Variants in C8B observed in about 807,000 individuals in gnomAD.
The protein encoded by C8B is complement component C8 beta chain.
Under a neutral mutation model 64.6 loss-of-function variants are expected in C8B, and 67 were observed. The ratio of observed to expected loss-of-function variants is 1.04; its 90% CI spans 0.85 to 1.27. C8B has a LOEUF of 1.27. Among genes scored for constraint, C8B ranks in the 50% most tolerant of loss-of-function variants. The probability of loss-of-function intolerance (pLI) is 0.00; values close to 1 mark genes in which losing one functional copy is unlikely to be tolerated. For missense variants in C8B, 790 were observed against 725.2 expected (o/e 1.09, Z -1.03); for synonymous variants, 284 against 257.7 (o/e 1.10, Z -0.98).
rs536391485 is a variant in C8B at position 56,930,856 on chromosome 1, G to A, written c.1621+954C>T. On this transcript the variant is annotated intron_variant, in intron 11 of 11. Transcript: ENST00000371237. The stretch of plus-strand genomic sequence containing the variant: ...TTATCTTGCTTTTACAATGTGTAAG[G>A]TATCATTCCAAACGCTTTATATGCC... Among the ~76,000 whole-genome samples the A allele has an allele frequency of 2.6e-5, 4 of 152,242 alleles. No homozygotes were observed. In the East Asian group the frequency reaches 5.8e-4, roughly 22 times the overall value.
At chr1:56,959,929 T>C in intron 2 of C8B, 91 bp downstream of exon 2, 2 of 1,398,728 alleles carry the variant, frequency 1.4e-6, no homozygotes, top group South Asian at 2.4e-5. Context: ...GGGCCAACTA[T>C]GTGCCAGGCA....
chr1:56,957,625 T>C (rs1188010841), intron 2 of C8B, among the ~76,000 whole-genome samples: 1 of 152,210 alleles, frequency 6.6e-6, no homozygotes, highest in Admixed American at 6.5e-5. Flanking sequence ...GCTATATCTC[T>C]ACCATCTTAT....
At chr1:56,943,567 A>G in intron 8 of C8B, 129 bp downstream of exon 8, 1 of 1,076,826 alleles carries the variant, frequency 9.3e-7, no homozygotes, top group Admixed American at 1.7e-5. Flanking sequence ...TATAAAAAAC[A>G]GAAGGACATA....
intron 8 of C8B, among the ~76,000 whole-genome samples, chr1:56,943,021 C>T (rs964656002): frequency 2.0e-5 from 3 of 151,296 alleles, no homozygotes; most frequent in African/African-American, 2.4e-5. Context: ...GCCTGAGCCC[C>T]GAAGGTGGAG....
chr1:56,935,200 A>G (rs1488411660), intron 9 of C8B, among the ~76,000 whole-genome samples: 2 of 152,204 alleles, frequency 1.3e-5, no homozygotes, highest in African/African-American at 2.4e-5. Context: ...ATTCCCATTT[A>G]CAGTCTCCCT....
At chr1:56,943,045 G>A (rs551944598) in intron 8 of C8B, among the ~76,000 whole-genome samples, 8 of 151,852 alleles carry the variant, frequency 5.3e-5, no homozygotes, top group African/African-American at 1.4e-4. Context: ...GCAGTGAGCC[G>A]AGATCACGCC....
intron 1 of C8B, 86 bp downstream of exon 1, chr1:56,965,771 A>G: frequency 6.9e-7 from 1 of 1,441,346 alleles, no homozygotes; most frequent in Non-Finnish European, 9.8e-7. Flanking sequence ...TTCAATAGGC[A>G]TGCAACAAAG....
Position 56,960,344 on chromosome 1 carries a change from T to TA in C8B, c.93-169dup, listed in dbSNP as rs371672565. Among the ~76,000 whole-genome samples the TA allele has an allele frequency of 2.3e-3, 350 of 152,328 alleles. 1 individual carries two copies. Among genetic ancestry groups the TA allele is most frequent in the Middle Eastern group, 0.01 (3 of 294 alleles). On this transcript the variant is annotated intron_variant, in intron 1 of 11. Transcript: ENST00000371237. ...GGAATTAATTAATTAATCCAACAAATATTTAATCCAACAATGAAATATTAA... is the reference window on the plus strand; with the variant it reads ...GGAATTAATTAATTAATCCAACAAATAATTTAATCCAACAATGAAATATTAA...
chr1:56,948,750 C>A (rs1486242776), intron 6 of C8B, among the ~76,000 whole-genome samples: 1 of 152,104 alleles, frequency 6.6e-6, no homozygotes, highest in Non-Finnish European at 1.5e-5. Flanking sequence ...AACAGGAGAG[C>A]AATGGTTTGG....
At chr1:56,930,940 G>C (rs886444956) in intron 11 of C8B, among the ~76,000 whole-genome samples, 9 of 152,056 alleles carry the variant, frequency 5.9e-5, no homozygotes, top group Non-Finnish European at 1.0e-4. Flanking sequence ...TCATCTTACA[G>C]GCACAGAAAC....
In C8B at chr1:56,943,797, C is replaced by G. The variant is rs1644901125; in HGVS notation, c.1133G>C (p.Cys378Ser). 6.2e-7 allele frequency: 1 copy of G among 1,614,072 alleles called. No homozygotes were observed. Among genetic ancestry groups the G allele is most frequent in the Non-Finnish European group, 8.5e-7 (1 of 1,179,972 alleles). ...ACCAATTTTAAAATCATTTTTGGCA[C>G]AGGCATGGACGTTGTTAAGAGTATA... The part of the protein sequence containing the change: ...GDYTLNNVHA[C>S]AKNDFKIGGA... The change falls in exon 8 of 12, where the codon TGT becomes TCT. Residue 378 changes from cysteine (C) to serine (S), a missense_variant. Transcript: ENST00000371237.
intron 9 of C8B, among the ~76,000 whole-genome samples, chr1:56,939,568 G>T (rs1422590974): frequency 6.6e-6 from 1 of 152,284 alleles, no homozygotes; most frequent in African/African-American, 2.4e-5. Context: ...GAAGAGCATG[G>T]TGTTAAGACG....
intron 7 of C8B, among the ~76,000 whole-genome samples, chr1:56,945,275 G>A (rs991617719): frequency 1.2e-4 from 18 of 152,164 alleles, no homozygotes; most frequent in African/African-American, 3.9e-4. Flanking sequence ...TGGAGGTAGA[G>A]CTGATGGATT....
chr1:56,943,086 AT>A lies in C8B; in HGVS notation c.1234+609del, dbSNP rs1301291997. Among the ~76,000 whole-genome samples, 35 of 151,790 alleles carry A rather than the reference AT, an allele frequency of 2.3e-4. No homozygotes were observed. In the Middle Eastern group the frequency reaches 0.01, roughly 45 times the overall value. The stretch of plus-strand genomic sequence containing the variant: ...AAGACTCTGTCTCAAAAAAATAAAA[AT>A]AAAAAATAAAAAATAAATAAAAAAA... On this transcript the variant is annotated intron_variant, in intron 8 of 11. Transcript: ENST00000371237.
At chr1:56,945,734 G>C in intron 7 of C8B, 87 bp downstream of exon 7, 1 of 1,531,064 alleles carries the variant, frequency 6.5e-7, no homozygotes, top group African/African-American at 1.4e-5. Context: ...TGAAGGTGTA[G>C]CCAGGAAGGT....
At chr1:56,956,293 C>A (rs1327859423) in intron 3 of C8B, among the ~76,000 whole-genome samples, 2 of 152,182 alleles carry the variant, frequency 1.3e-5, no homozygotes, top group Non-Finnish European at 2.9e-5. Flanking sequence ...GCTATGATGT[C>A]ACTTGATGCT....
intron 4 of C8B, 125 bp from the exon 5 acceptor site, chr1:56,952,305 T>C: frequency 7.6e-7 from 1 of 1,308,996 alleles, no homozygotes. Context: ...TGATACCTGG[T>C]CCAAGCCAGC....
chr1:56,941,238 A>G (rs1044199523), intron 8 of C8B, among the ~76,000 whole-genome samples: 1 of 152,172 alleles, frequency 6.6e-6, no homozygotes, highest in Non-Finnish European at 1.5e-5. Flanking sequence ...AGAAAAAGAC[A>G]TTTATCTTGA....
chr1:56,947,451 T>C (rs1352952127), intron 6 of C8B, among the ~76,000 whole-genome samples: 3 of 152,232 alleles, frequency 2.0e-5, no homozygotes, highest in African/African-American at 7.2e-5. Context: ...CCTGAAATGT[T>C]ATTTTCTCCC....
Sources: gnomAD v4.1 joint callset for allele counts (sites outside exome capture counted in the v4.1 genomes callset) on GRCh38, gnomAD v4.1.1 for gene constraint, MANE v1.5 for transcripts, NCBI Gene and HGNC (gene_info 2026-07-23, HGNC 2026-07-21) for gene names.